OTOF: variants seen among roughly 807,000 people sequenced by gnomAD.
OTOF encodes otoferlin.
A neutral mutation model predicts 236.8 loss-of-function variants in OTOF; 218 were observed. That is an observed-to-expected ratio of 0.92 (90% confidence interval 0.82 to 1.03). The LOEUF is 1.03. OTOF is among the 50% of genes least tolerant of loss of function. OTOF has a pLI of 0.00. For missense variants in OTOF, 2,590 were observed against 2,694.4 expected (o/e 0.96, Z 0.86); for synonymous variants, 1,041 against 1,072.5 (o/e 0.97, Z 0.57).
chr2:26,523,611 C>T lies in OTOF; in HGVS notation c.227+4221G>A, dbSNP rs79572258. 3.7e-3 allele frequency among the ~76,000 whole-genome samples: 567 copies of T among 152,308 alleles called. 5 individuals carry two copies. Among genetic ancestry groups the T allele is most frequent in the African/African-American group, 0.013 (548 of 41,570 alleles). ...GTCCTTCAGAGAAGAGGGGCCACTC[C>T]GATTCCCTCTCAAAGGCTCTCCCAC... is the stretch of plus-strand genomic sequence containing the variant. On this transcript the variant is annotated intron_variant, in intron 3 of 46. Transcript: ENST00000272371.
chr2:26,545,383 A>G (rs1667307504), intron 1 of OTOF, among the ~76,000 whole-genome samples: 1 of 152,106 alleles, frequency 6.6e-6, no homozygotes, highest in Admixed American at 6.6e-5. Context: ...ACTTATAGGG[A>G]TTCTTTATAT....
In OTOF at chr2:26,462,154, G is replaced by A. The variant is rs374605824; in HGVS notation, c.5220C>T (p.Asn1740=). The A allele has an allele frequency of 3.5e-5, 57 of 1,613,832 alleles. No individual in the cohort carries two copies. Among genetic ancestry groups the A allele is most frequent in the Non-Finnish European group, 4.6e-5 (54 of 1,179,952 alleles). ...KKYELRVIIW[N]TDEVVLEDDD... ...CGTCCTCCAAGACCACCTCATCTGT[G>A]TTCCAGATGATGACCCGCAGCTCGT... Residue 1740 remains asparagine, a synonymous_variant, in exon 42 of 47, where the codon AAC becomes AAT. Transcript: ENST00000272371. The surrounding 1 kb of genome is among the most constrained non-coding windows in gnomAD (Gnocchi z 4.7).
At chr2:26,501,190 G>A (rs2148077608) in intron 8 of OTOF, among the ~76,000 whole-genome samples, 1 of 152,262 alleles carries the variant, frequency 6.6e-6, no homozygotes, top group East Asian at 1.9e-4. Flanking sequence ...CATTCTTACA[G>A]CTGTCAACCT....
Position 26,476,903 on chromosome 2 carries a change from C to G in OTOF, c.2664G>C (p.Thr888=). The change falls in exon 22 of 47, where the codon ACG becomes ACC. Residue 888 remains threonine (T), a synonymous_variant. Coordinates refer to ENST00000272371, the MANE Select transcript of OTOF (RefSeq NM_194248.3). ...ETGKDCAKVK[T]LFLKLPGKRG... is the part of the protein sequence containing the mutation. ...CCCCCTCCAGCACCTTAAGGAAGAG[C>G]GTCTTGACCTTGGCGCAGTCCTTGC... The G allele has an allele frequency of 6.2e-7, 1 of 1,610,424 alleles. No homozygotes were observed. The highest frequency in any genetic ancestry group is 8.5e-7 in the Non-Finnish European group (1 of 1,179,776).
In OTOF at chr2:26,503,732, G is replaced by T. The variant is rs373894962; in HGVS notation, c.583+40C>A. 5.4e-5 allele frequency: 86 copies of T among 1,580,862 alleles called. No homozygotes were observed. In the African/African-American group the frequency reaches 1.1e-3, roughly 20 times the overall value. ...CTGGAAAGCGGCGGGAGGGCGCCGC[G>T]AGGCGCGGGGCTGCGGGGCTCACGC... On this transcript the variant is annotated intron_variant, in intron 6 of 46. Transcript: ENST00000272371.
intron 1 of OTOF, among the ~76,000 whole-genome samples, chr2:26,542,047 T>C (rs188948142): frequency 6.6e-6 from 1 of 152,358 alleles, no homozygotes; most frequent in East Asian, 1.9e-4. Context: ...ATTTCTCCTT[T>C]CACCATTTAA....
At chr2:26,466,480 G>A (rs1342285745) in intron 36 of OTOF, among the ~76,000 whole-genome samples, 1 of 152,162 alleles carries the variant, frequency 6.6e-6, no homozygotes, top group Non-Finnish European at 1.5e-5. Context: ...GGGATTACAG[G>A]TGCGTGGCAC....
intron 1 of OTOF, among the ~76,000 whole-genome samples, chr2:26,549,517 G>C (rs1206182715): frequency 1.3e-5 from 2 of 152,148 alleles, no homozygotes; most frequent in East Asian, 3.9e-4. Flanking sequence ...CACTGGAAAA[G>C]GTTACCCCTT....
At chr2:26,488,553 C>G (rs1665754304) in intron 11 of OTOF, among the ~76,000 whole-genome samples, 1 of 152,242 alleles carries the variant, frequency 6.6e-6, no homozygotes, top group Admixed American at 6.5e-5. Flanking sequence ...GCCCAAAAGC[C>G]TGGGGCTCTT....
intron 3 of OTOF, among the ~76,000 whole-genome samples, chr2:26,524,914 T>C (rs2148109910): frequency 6.6e-6 from 1 of 152,340 alleles, no homozygotes; most frequent in East Asian, 1.9e-4. Flanking sequence ...GCACCTATGG[T>C]TGGGTTCCTT....
chr2:26,457,917 G>T lies in OTOF; in HGVS notation c.*321C>A. 9.8e-7 allele frequency: 1 copy of T among 1,023,214 alleles called. No individual in the cohort carries two copies. Among genetic ancestry groups the T allele is most frequent in the Admixed American group, 2.2e-5 (1 of 45,248 alleles). The allele number at this position is 1,023,214 out of a possible 1,614,324, so 63.4% of individuals were successfully genotyped here. ...GCCCCCGCAAGCAGGAGGCAGGCTC[G>T]GCCCAAGGCATGAAGAGTGGACGCT... On this transcript the variant is annotated 3_prime_UTR_variant, in exon 47 of 47. Coordinates refer to ENST00000272371, the MANE Select transcript of OTOF (RefSeq NM_194248.3). The surrounding 1 kb of genome is among the most constrained non-coding windows in gnomAD (Gnocchi z 4.4).
chr2:26,499,811 T>C (rs796529530), intron 8 of OTOF, among the ~76,000 whole-genome samples: 7 of 152,360 alleles, frequency 4.6e-5, no homozygotes, highest in African/African-American at 1.7e-4. Flanking sequence ...TATTGCATTA[T>C]ACACTGTATG....
chr2:26,468,505 G>C, intron 32 of OTOF, 31 bp from the exon 33 acceptor site: 1 of 1,598,214 alleles, frequency 6.3e-7, no homozygotes. Flanking sequence ...AAGGACAGAA[G>C]GTGGGTTTCC....
intron 3 of OTOF, among the ~76,000 whole-genome samples, chr2:26,523,966 G>A (rs1433636508): frequency 6.6e-6 from 1 of 152,218 alleles, no homozygotes; most frequent in African/African-American, 2.4e-5. Context: ...CCCACAAGCT[G>A]GCCTGTGTCA....
chr2:26,529,985 T>C (rs867620127), intron 2 of OTOF, among the ~76,000 whole-genome samples: 3 of 152,246 alleles, frequency 2.0e-5, no homozygotes, highest in African/African-American at 7.2e-5. Context: ...GTTTTCTTAA[T>C]GAAGCTGCTT....
chr2:26,552,382 A>G (rs574398336), intron 1 of OTOF, among the ~76,000 whole-genome samples: 22 of 152,242 alleles, frequency 1.4e-4, no homozygotes, highest in African/African-American at 5.1e-4. Context: ...AGAAAAAAGA[A>G]AAAAATGAGA....
chr2:26,553,366 A>G (rs1667509054), intron 1 of OTOF, among the ~76,000 whole-genome samples: 1 of 152,174 alleles, frequency 6.6e-6, no homozygotes. Context: ...CACTTCCTGC[A>G]TCTCCATAGG....
At chr2:26,489,610 T>C in intron 10 of OTOF, 68 bp downstream of exon 10, 1 of 1,378,360 alleles carries the variant, frequency 7.3e-7, no homozygotes, top group Non-Finnish European at 1.0e-6. Context: ...AGGGGGCCCC[T>C]CTCAAGTCTG....
In OTOF at chr2:26,558,703, C is replaced by T; in HGVS notation, c.-132G>A. 1.3e-6 allele frequency: 1 copy of T among 750,900 alleles called. No individual in the cohort carries two copies. Among genetic ancestry groups the T allele is most frequent in the Non-Finnish European group, 2.2e-6 (1 of 445,450 alleles). The allele number at this position is 750,900 out of a possible 1,614,324, so 46.5% of individuals were successfully genotyped here. A position where few individuals can be genotyped will look rare whatever the true frequency, so the allele number is the denominator to read the frequency against. ...TCCTCCCGACCCCCCTCCGATGCTG[C>T]CCACAGAGACCAAGGCAACCAAGCC... is the stretch of plus-strand genomic sequence containing the variant. On this transcript the variant is annotated 5_prime_UTR_variant, in exon 1 of 47. Transcript: ENST00000272371.
Sources: allele counts gnomAD v4.1 joint callset (sites outside exome capture counted in the v4.1 genomes callset), GRCh38; gene constraint gnomAD v4.1.1; non-coding constraint Gnocchi (gnomAD v3.1); transcripts MANE v1.5; gene names NCBI Gene and HGNC (gene_info 2026-07-23, HGNC 2026-07-21).